The following ZC3H12B variants were observed in gnomAD, a reference collection of about 807,000 sequenced individuals.
The protein encoded by ZC3H12B is zinc finger CCCH-type containing 12B.
ZC3H12B carries 7 observed loss-of-function variants against 43.9 expected under a neutral mutation model. The ratio of observed to expected loss-of-function variants is 0.16; its 90% CI spans 0.09 to 0.30. ZC3H12B has a LOEUF of 0.30. Among genes scored for constraint, ZC3H12B ranks in the 10% least tolerant of loss-of-function variants. The pLI is 1.00. For synonymous variants in ZC3H12B, 222 were observed against 241.7 expected, an observed-to-expected ratio of 0.92 and a Z score of 0.76; for missense variants, 475 against 670.2, an observed-to-expected ratio of 0.71 and a Z score of 3.22.
At chrX:65,375,329 T>C (rs1208825847) in intron 2 of ZC3H12B, among the ~76,000 whole-genome samples, 2 of 111,361 alleles carry the variant, frequency 1.8e-5, no homozygotes, top group Non-Finnish European at 3.8e-5. Flanking sequence ...ACTAAAGTGT[T>C]TTGGGGTTCT....
chrX:65,466,942 A>T (rs866690820), intron 3 of ZC3H12B, among the ~76,000 whole-genome samples: 1 of 52,150 alleles, frequency 1.9e-5, no homozygotes, highest in African/African-American at 1.0e-4. Flanking sequence ...ATATATATAT[A>T]TATATATATA....
At chrX:65,292,146 T>A in the ZC3H12B span, among the ~76,000 whole-genome samples, 1 of 112,094 alleles carries the variant, frequency 8.9e-6, no homozygotes, top group East Asian at 2.8e-4. Flanking sequence ...ATAATTTAAC[T>A]GGACTACCAA....
At chrX:65,396,940 C>T (rs982733749) in intron 2 of ZC3H12B, among the ~76,000 whole-genome samples, 15 of 111,335 alleles carry the variant, frequency 1.3e-4, no homozygotes, top group Admixed American at 6.7e-4. Context: ...TGCATTGATC[C>T]CTTTACCATT....
chrX:65,242,259 ATTC>A, the ZC3H12B span, among the ~76,000 whole-genome samples: 2 of 111,180 alleles, frequency 1.8e-5, no homozygotes, highest in African/African-American at 3.3e-5. Flanking sequence ...TGAAGTTTTC[ATTC>A]TTCTCTGTGA....
At chrX:65,362,525 A>G (rs762859235), upstream of ZC3H12B, among the ~76,000 whole-genome samples, 6 of 110,008 alleles carry the variant, frequency 5.5e-5, no homozygotes, top group East Asian at 1.7e-3. Context: ...GCCACACCTC[A>G]TTGCTGCCCT....
chrX:65,248,805 T>C, the ZC3H12B span, among the ~76,000 whole-genome samples: 1 of 111,802 alleles, frequency 8.9e-6, no homozygotes, highest in Non-Finnish European at 1.9e-5. Context: ...CGCATTGTGG[T>C]TTTGATTTAC....
chrX:65,454,595 C>G, intron 3 of ZC3H12B, among the ~76,000 whole-genome samples: 1 of 112,108 alleles, frequency 8.9e-6, no homozygotes, highest in Admixed American at 9.4e-5. Flanking sequence ...CCTCTGCAGA[C>G]TTAAGTGTCC....
the ZC3H12B span, among the ~76,000 whole-genome samples, chrX:65,286,607 A>G: frequency 1.8e-5 from 2 of 110,983 alleles, no homozygotes; most frequent in East Asian, 5.6e-4. Context: ...GTGTATATAC[A>G]CACACACACG....
intron 2 of ZC3H12B, among the ~76,000 whole-genome samples, chrX:65,396,401 G>A (rs989509616): frequency 4.5e-5 from 5 of 111,347 alleles, no homozygotes; most frequent in Non-Finnish European, 3.8e-5. Flanking sequence ...CATTGGTTTC[G>A]AATAACTTAT....
the ZC3H12B span, among the ~76,000 whole-genome samples, chrX:65,167,893 G>T: frequency 1.3e-4 from 15 of 112,245 alleles, no homozygotes; most frequent in Non-Finnish European, 5.6e-5. Flanking sequence ...TCTGTATCCT[G>T]AGACTTTCCT....
At chrX:65,039,066 AG>A in the ZC3H12B span, among the ~76,000 whole-genome samples, 1 of 111,715 alleles carries the variant, frequency 9.0e-6, no homozygotes, top group East Asian at 2.8e-4. Flanking sequence ...GAAAAAAAAA[AG>A]TGGAGACTAC....
chrX:65,506,983 C>T (rs748445770), exon 5 of ZC3H12B: 1 of 111,364 alleles, frequency 9.0e-6, no homozygotes, highest in African/African-American at 3.3e-5. Flanking sequence ...CCACCCCCTG[C>T]TAGTTTCCAG....
rs777969583 is a variant in ZC3H12B at position 65,502,105 on chromosome X, A to G, written c.1407A>G (p.Leu469=). ...CTGTCCCCTCGCTTGTGACTGCCCT[A>G]AGTGTTCCCACAATCCCACCCCCCA... Residue 469 remains leucine (L), a synonymous_variant, in exon 5 of 5, where the codon CTA becomes CTG. Transcript: ENST00000338957. The G allele has an allele frequency of 4.5e-5, 54 of 1,210,830 alleles. No individual in the cohort carries two copies. The South Asian group carries it at 8.6e-4, about 19-fold the overall frequency.
Position 65,454,895 on chromosome X carries a change from C to A in ZC3H12B, n.408-33751C>A, listed in dbSNP as rs1340801788. ...TCTGGAGTGGATTTCCGGCAAACTG[C>A]AACACACCTGCAGCTGAGGGTCCTG... is the stretch of plus-strand genomic sequence containing the variant. On this transcript the variant is annotated intron_variant and non_coding_transcript_variant, in intron 3 of 5. Transcript: ENST00000617377. Among the ~76,000 whole-genome samples, 3 of 112,068 alleles carry A rather than the reference C, an allele frequency of 2.7e-5. No individual in the cohort carries two copies. In the Admixed American group the frequency reaches 2.8e-4, roughly 11 times the overall value.
At chrX:65,109,542 G>T in the ZC3H12B span, among the ~76,000 whole-genome samples, 12 of 111,723 alleles carry the variant, frequency 1.1e-4, no homozygotes, top group South Asian at 3.6e-4. Flanking sequence ...TCATTTTAAT[G>T]CCCAAACAAT....
chrX:65,164,284 G>T, the ZC3H12B span, among the ~76,000 whole-genome samples: 5 of 111,403 alleles, frequency 4.5e-5, no homozygotes, highest in African/African-American at 1.6e-4. Context: ...GTCAGTTACT[G>T]GGTGTGGGTT....
At chrX:65,222,602 A>AAAT in the ZC3H12B span, among the ~76,000 whole-genome samples, 10,256 of 91,022 alleles carry the variant, frequency 0.11, 553 homozygotes, top group Non-Finnish European at 0.14. Context: ...AATAGCTGCA[A>AAAT]AATAATAATA....
At chrX:65,303,660 T>A in the ZC3H12B span, among the ~76,000 whole-genome samples, 1 of 112,516 alleles carries the variant, frequency 8.9e-6, no homozygotes, top group Non-Finnish European at 1.9e-5. Flanking sequence ...TATTTAACAT[T>A]GTACTGTAAC....
At chrX:65,347,549 C>T in the ZC3H12B span, among the ~76,000 whole-genome samples, 5 of 111,929 alleles carry the variant, frequency 4.5e-5, no homozygotes, top group African/African-American at 9.8e-5. Flanking sequence ...CCATCTCACA[C>T]CAGTTAGAAT....
Sources: allele counts gnomAD v4.1 joint callset (sites outside exome capture counted in the v4.1 genomes callset), GRCh38; gene constraint gnomAD v4.1.1; transcripts MANE v1.5; gene names NCBI Gene and HGNC (gene_info 2026-07-23, HGNC 2026-07-21).